Variants in TMEM132C observed in about 807,000 individuals in gnomAD.
TMEM132C encodes protein phosphatase 1, regulatory subunit 152.
A neutral mutation model predicts 61.4 loss-of-function variants in TMEM132C; 29 were observed. That is an observed-to-expected ratio of 0.47 (90% CI 0.35 to 0.64). TMEM132C has a LOEUF of 0.64. Among genes scored for constraint, TMEM132C ranks in the 30% least tolerant of loss-of-function variants. The pLI is 0.00. For synonymous variants in TMEM132C, 656 were observed against 633.1 expected, an observed-to-expected ratio of 1.04 and a Z score of -0.54; for missense variants, 1,408 against 1,476.9, an observed-to-expected ratio of 0.95 and a Z score of 0.76.
At chr12:128,382,321 A>G (rs148933710) in intron 1 of TMEM132C, among the ~76,000 whole-genome samples, 2 of 152,260 alleles carry the variant, frequency 1.3e-5, no homozygotes, top group East Asian at 1.9e-4. Flanking sequence ...TAGGAATATT[A>G]TTTCCTTTGT....
intron 1 of TMEM132C, among the ~76,000 whole-genome samples, chr12:128,271,272 TA>T (rs1566037271): frequency 3.6e-3 from 115 of 31,914 alleles, no homozygotes; most frequent in South Asian, 0.032. Flanking sequence ...AATAATATAA[TA>T]ATAATAATAA....
chr12:128,369,453 G>C (rs951099721), intron 1 of TMEM132C, among the ~76,000 whole-genome samples: 1 of 152,154 alleles, frequency 6.6e-6, no homozygotes, highest in Non-Finnish European at 1.5e-5. Context: ...CCATTTTACA[G>C]CTGAGAAAAC....
At chr12:128,676,357 C>T (rs111488934) in intron 5 of TMEM132C, among the ~76,000 whole-genome samples, 219 of 149,990 alleles carry the variant, frequency 1.5e-3, no homozygotes, top group African/African-American at 5.4e-3. Context: ...ATACAAGTGA[C>T]GATATACATA....
intron 1 of TMEM132C, among the ~76,000 whole-genome samples, chr12:128,373,079 T>A (rs905680156): frequency 3.9e-5 from 6 of 152,176 alleles, no homozygotes; most frequent in African/African-American, 1.4e-4. Context: ...TAAACACATA[T>A]AATTGCCTTT....
At chr12:128,643,859 G>T (rs1436065087) in intron 4 of TMEM132C, among the ~76,000 whole-genome samples, 1 of 151,908 alleles carries the variant, frequency 6.6e-6, no homozygotes, top group South Asian at 2.1e-4. Flanking sequence ...CCAACATAAA[G>T]ATTAAGTATG....
chr12:128,350,805 C>T (rs1220972952), intron 1 of TMEM132C, among the ~76,000 whole-genome samples: 1 of 151,912 alleles, frequency 6.6e-6, no homozygotes, highest in Non-Finnish European at 1.5e-5. Context: ...TGCAACTAGG[C>T]TTGGCCTGGT....
intron 2 of TMEM132C, among the ~76,000 whole-genome samples, chr12:128,507,273 G>A (rs1203800507): frequency 1.3e-5 from 2 of 152,008 alleles, no homozygotes; most frequent in Non-Finnish European, 2.9e-5. Flanking sequence ...CTGTACTTGG[G>A]AAATGCTGGA....
chr12:128,698,905 T>C (rs1478839236), intron 8 of TMEM132C, among the ~76,000 whole-genome samples: 1 of 152,152 alleles, frequency 6.6e-6, no homozygotes, highest in Non-Finnish European at 1.5e-5. Context: ...TCCCCTGACA[T>C]GCACTAGCAG....
chr12:128,340,254 CCTGT>C (rs1350812435), intron 1 of TMEM132C, among the ~76,000 whole-genome samples: 1 of 152,088 alleles, frequency 6.6e-6, no homozygotes, highest in Non-Finnish European at 1.5e-5. Context: ...GTTTTTTTCC[CCTGT>C]CTAACATTAA....
chr12:128,382,154 G>A (rs926395192), intron 1 of TMEM132C, among the ~76,000 whole-genome samples: 5 of 151,896 alleles, frequency 3.3e-5, no homozygotes, highest in East Asian at 1.9e-4. Flanking sequence ...CTCCTTAGGC[G>A]AAAGAAGCCA....
intron 1 of TMEM132C, among the ~76,000 whole-genome samples, chr12:128,345,154 G>A (rs899310370): frequency 1.3e-5 from 2 of 152,006 alleles, no homozygotes; most frequent in Non-Finnish European, 2.9e-5. Context: ...AGAACATGTG[G>A]CATTTGTTTG....
intron 2 of TMEM132C, among the ~76,000 whole-genome samples, chr12:128,447,867 C>T (rs975765597): frequency 7.3e-6 from 1 of 136,112 alleles, no homozygotes; most frequent in Admixed American, 7.3e-5. Flanking sequence ...GCTGGGACTA[C>T]AGGCGCCCGC....
At chr12:128,463,652 G>C (rs757213753) in intron 2 of TMEM132C, among the ~76,000 whole-genome samples, 1 of 151,832 alleles carries the variant, frequency 6.6e-6, no homozygotes, top group Non-Finnish European at 1.5e-5. Context: ...GCATGTCCCT[G>C]GAAGGGCCTG....
At chr12:128,648,785 A>G (rs1006755077) in intron 4 of TMEM132C, among the ~76,000 whole-genome samples, 4 of 151,018 alleles carry the variant, frequency 2.6e-5, no homozygotes, top group Non-Finnish European at 4.4e-5. Flanking sequence ...TCAGTCCATC[A>G]GCGTTGGATG....
intron 1 of TMEM132C, 93 bp from the exon 2 acceptor site, chr12:128,414,638 CA>C (rs1243859337): frequency 1.5e-6 from 2 of 1,332,118 alleles, no homozygotes; most frequent in East Asian, 2.6e-5. Flanking sequence ...TTCTATCCCT[CA>C]TTTCTAAATG....
At chr12:128,270,667 T>C (rs906618874) in intron 1 of TMEM132C, among the ~76,000 whole-genome samples, 3 of 152,218 alleles carry the variant, frequency 2.0e-5, no homozygotes, top group Non-Finnish European at 2.9e-5. Flanking sequence ...GATGCTCTTG[T>C]CTTGTCCTGC....
chr12:128,581,709 C>T (rs554914434), intron 3 of TMEM132C, among the ~76,000 whole-genome samples: 46 of 152,196 alleles, frequency 3.0e-4, no homozygotes, highest in East Asian at 1.2e-3. Flanking sequence ...TGCATTAGCT[C>T]GAGGGGGCTC....
intron 1 of TMEM132C, among the ~76,000 whole-genome samples, chr12:128,301,895 C>T (rs1420186795): frequency 1.3e-5 from 2 of 152,180 alleles, no homozygotes; most frequent in East Asian, 1.9e-4. Context: ...AAAGGCACAT[C>T]TTACATGGTG....
intron 3 of TMEM132C, among the ~76,000 whole-genome samples, chr12:128,597,167 G>A (rs1357212130): frequency 6.6e-6 from 1 of 152,156 alleles, no homozygotes; most frequent in Non-Finnish European, 1.5e-5. Flanking sequence ...AATGCAAATA[G>A]CCATGCTGTC....
Sources: allele counts gnomAD v4.1 joint callset (sites outside exome capture counted in the v4.1 genomes callset), GRCh38; gene constraint gnomAD v4.1.1; transcripts MANE v1.5; gene names NCBI Gene and HGNC (gene_info 2026-07-23, HGNC 2026-07-21).